The following ALX4 variants were observed in gnomAD, a reference collection of about 807,000 sequenced individuals.
ALX4 encodes the protein ALX homeobox 4.
ALX4 carries 22 observed loss-of-function variants against 40.6 expected under a neutral mutation model. The observed-to-expected ratio is 0.54, with a 90% CI of 0.39 to 0.77. The LOEUF (loss-of-function observed/expected upper bound fraction) is 0.77. Among genes scored for constraint, ALX4 ranks in the 30% least tolerant of loss-of-function variants. ALX4 has a pLI of 0.00. For synonymous variants in ALX4, 266 were observed against 240.5 expected, an observed-to-expected ratio of 1.11 and a Z score of -0.98; for missense variants, 556 against 564.8, an observed-to-expected ratio of 0.98 and a Z score of 0.16.
At chr11:44,308,156 C>T (rs1475751025) in intron 1 of ALX4, among the ~76,000 whole-genome samples, 1 of 152,174 alleles carries the variant, frequency 6.6e-6, no homozygotes, top group Non-Finnish European at 1.5e-5. Context: ...GGCATGTGTT[C>T]TTGGGGTATG....
chr11:44,295,480 C>T (rs534393158), intron 1 of ALX4, among the ~76,000 whole-genome samples: 5 of 152,206 alleles, frequency 3.3e-5, no homozygotes, highest in Non-Finnish European at 7.3e-5. Flanking sequence ...GTCACCTAGG[C>T]CGGGGAAGTT....
chr11:44,271,163 C>CA (rs57125475), intron 2 of ALX4, among the ~76,000 whole-genome samples: 62,348 of 152,064 alleles, frequency 0.41, 13,783 homozygotes, highest in East Asian at 0.86. Flanking sequence ...CCTTACCCCC[C>CA]CAGGGCACTG....
chr11:44,297,027 A>T (rs1298360056), intron 1 of ALX4, among the ~76,000 whole-genome samples: 1 of 151,234 alleles, frequency 6.6e-6, no homozygotes, highest in Admixed American at 6.6e-5. Context: ...AAAAAAAAAA[A>T]AAAAGGTACC....
At chr11:44,288,107 C>T (rs113373722) in intron 1 of ALX4, among the ~76,000 whole-genome samples, 5,121 of 152,240 alleles carry the variant, frequency 0.034, 165 homozygotes, top group Non-Finnish European at 0.048. Flanking sequence ...AGGCTGGTCT[C>T]GAACTCCTGA....
intron 1 of ALX4, among the ~76,000 whole-genome samples, chr11:44,303,788 T>C (rs1444937264): frequency 6.6e-6 from 1 of 152,202 alleles, no homozygotes; most frequent in Non-Finnish European, 1.5e-5. Flanking sequence ...GGAAGCTTCT[T>C]CCGCATCACC....
chr11:44,299,354 G>GTTTTTTT (rs772070484), intron 1 of ALX4, among the ~76,000 whole-genome samples: 12 of 113,078 alleles, frequency 1.1e-4, no homozygotes, highest in East Asian at 2.9e-4. Context: ...GGGGGCCATG[G>GTTTTTTT]TTTTTTTTTT....
intron 1 of ALX4, among the ~76,000 whole-genome samples, chr11:44,303,831 T>G (rs1390714362): frequency 6.6e-6 from 1 of 152,202 alleles, no homozygotes; most frequent in Non-Finnish European, 1.5e-5. Context: ...GGGACCTGCT[T>G]CCAGGCAGCA....
At chr11:44,309,510 T>C (rs901250781) in intron 1 of ALX4, 87 bp downstream of exon 1, 1 of 1,520,836 alleles carries the variant, frequency 6.6e-7, no homozygotes, top group Non-Finnish European at 8.8e-7. Context: ...CGCCAACTCA[T>C]ACCTCCCGCA....
At chr11:44,308,175 G>A (rs1035155203) in intron 1 of ALX4, among the ~76,000 whole-genome samples, 2 of 152,202 alleles carry the variant, frequency 1.3e-5, no homozygotes, top group African/African-American at 4.8e-5. Context: ...TGACCACATC[G>A]GCTCCTAAAG....
In ALX4 at chr11:44,273,069, G is replaced by A. The variant is rs191728086; in HGVS notation, c.777+2279C>T. Reference sequence around the variant, plus strand: ...ACTGATGCCTTAGAACAATGCTGCTGAAGATGCTTTCATGAGTTAATTCAA... The same window carrying A: ...ACTGATGCCTTAGAACAATGCTGCTAAAGATGCTTTCATGAGTTAATTCAA... On this transcript the variant is annotated intron_variant, in intron 2 of 3. Coordinates refer to ENST00000652299, the MANE Select transcript of ALX4 (RefSeq NM_021926.4). Among the ~76,000 whole-genome samples the A allele has an allele frequency of 2.0e-3, 310 of 152,176 alleles. 1 individual carries two copies. Among genetic ancestry groups the A allele is most frequent in the African/African-American group, 6.9e-3 (287 of 41,514 alleles).
rs542159213 is a variant in ALX4, at chr11:44,278,098, G to A, written c.467-2440C>T. 2.0e-5 allele frequency among the ~76,000 whole-genome samples: 3 copies of A among 151,976 alleles called. No individual in the cohort carries two copies. The South Asian group carries it at 6.2e-4, about 32-fold the overall frequency. ...CAACTTCCTGGAAGCCAGATGAGGG[G>A]CTGAGGGAGGTGAGCACTGAGCCCT... is the stretch of plus-strand genomic sequence containing the variant. On this transcript the variant is annotated intron_variant, in intron 1 of 3. Coordinates refer to ENST00000652299, the MANE Select transcript of ALX4 (RefSeq NM_021926.4).
intron 1 of ALX4, among the ~76,000 whole-genome samples, chr11:44,282,293 A>G (rs1283637999): frequency 1.3e-5 from 2 of 152,350 alleles, no homozygotes; most frequent in African/African-American, 4.8e-5. Context: ...AATTAAAAGC[A>G]CAATGAGATA....
Position 44,264,898 on chromosome 11 carries a change from T to A in ALX4, c.1192A>T (p.Met398Leu). The part of the protein sequence containing the change: ...RKTSSIAALR[M>L]KAKEHSAAIS... ...GCCGCACTGTGCTCCTTGGCCTTCA[T>A]GCGGAGGGCCGCGATGCTCGAGGTC... is the stretch of plus-strand genomic sequence containing the variant. Residue 398 changes from methionine to leucine, a missense_variant, in exon 4 of 4, where the codon ATG (methionine) becomes TTG (leucine). Met to Leu is a conservative substitution (Grantham distance 15). Transcript: ENST00000652299. The A allele has an allele frequency of 6.2e-7, 1 of 1,613,044 alleles. No individual in the cohort carries two copies. The highest frequency in any genetic ancestry group is 8.5e-7 in the Non-Finnish European group (1 of 1,179,928).
At chr11:44,287,285 G>A (rs191064999) in intron 1 of ALX4, among the ~76,000 whole-genome samples, 16 of 152,056 alleles carry the variant, frequency 1.1e-4, no homozygotes, top group Non-Finnish European at 1.6e-4. Flanking sequence ...CTGGGCTCTC[G>A]CAAAAACAAA....
chr11:44,294,320 G>A (rs1183499138), intron 1 of ALX4, among the ~76,000 whole-genome samples: 1 of 152,234 alleles, frequency 6.6e-6, no homozygotes, highest in East Asian at 1.9e-4. Context: ...AGGGTGCAGA[G>A]GTTGCCTGAC....
chr11:44,266,891 A>G (rs1250793780), intron 3 of ALX4, among the ~76,000 whole-genome samples: 1 of 152,230 alleles, frequency 6.6e-6, no homozygotes, highest in Non-Finnish European at 1.5e-5. Context: ...GCACAGGCAC[A>G]CAAGCTTTTT....
chr11:44,307,871 C>T (rs113336406), intron 1 of ALX4, among the ~76,000 whole-genome samples: 7 of 149,124 alleles, frequency 4.7e-5, no homozygotes, highest in Admixed American at 6.7e-5. Context: ...TGTGTGTGTC[C>T]GTGTGTGGAG....
At chr11:44,293,162 AGG>A in intron 1 of ALX4, among the ~76,000 whole-genome samples, 1 of 20,712 alleles carries the variant, frequency 4.8e-5, no homozygotes, top group Non-Finnish European at 8.9e-5. Flanking sequence ...GAAGGAAGGA[AGG>A]AAGGAAGCAG....
intron 2 of ALX4, among the ~76,000 whole-genome samples, chr11:44,269,936 GGAGAGA>G (rs1226162166): frequency 1.3e-5 from 2 of 152,128 alleles, no homozygotes; most frequent in African/African-American, 2.4e-5. Context: ...CTGGAGGCAC[GGAGAGA>G]GATGGCTTCT....
Sources: gnomAD v4.1 joint callset for allele counts (sites outside exome capture counted in the v4.1 genomes callset) on GRCh38, gnomAD v4.1.1 for gene constraint, MANE v1.5 for transcripts, NCBI Gene and HGNC (gene_info 2026-07-23, HGNC 2026-07-21) for gene names.